The following CMTM7 variants were observed in gnomAD, a reference collection of about 807,000 sequenced individuals.
CMTM7 encodes CKLF-like MARVEL transmembrane domain-containing protein 7.
CMTM7 carries 7 observed loss-of-function variants against 19.3 expected under a neutral mutation model. The observed-to-expected ratio is 0.36, with a 90% CI of 0.21 to 0.68. CMTM7 has a LOEUF of 0.68. CMTM7 is among the 30% of genes least tolerant of loss of function. CMTM7 has a pLI of 0.60. For missense variants in CMTM7, 193 were observed against 232.6 expected, an observed-to-expected ratio of 0.83 and a Z score of 1.11; for synonymous variants, 87 against 99.3, an observed-to-expected ratio of 0.88 and a Z score of 0.74.
intron 2 of CMTM7, among the ~76,000 whole-genome samples, chr3:32,448,996 A>T (rs17029530): frequency 0.081 from 12,314 of 152,280 alleles, 563 homozygotes; most frequent in Middle Eastern, 0.13. Context: ...TTGTTAGCCC[A>T]GAACTTTCTC....
At chr3:32,399,210 C>G (rs1323206223) in intron 1 of CMTM7, among the ~76,000 whole-genome samples, 1 of 151,256 alleles carries the variant, frequency 6.6e-6, no homozygotes, top group Non-Finnish European at 1.5e-5. Flanking sequence ...TGACTCTTAA[C>G]TAGGGGCTGT....
At chr3:32,396,515 C>T (rs1695921177) in intron 1 of CMTM7, among the ~76,000 whole-genome samples, 1 of 151,898 alleles carries the variant, frequency 6.6e-6, no homozygotes, top group Admixed American at 6.6e-5. Flanking sequence ...ACAAAAACAA[C>T]AACAACAACA....
At chr3:32,427,456 A>G (rs1696450260) in intron 1 of CMTM7, among the ~76,000 whole-genome samples, 4 of 152,120 alleles carry the variant, frequency 2.6e-5, no homozygotes. Context: ...TGCCCTCGGT[A>G]TGGGGACCAG....
At chr3:32,437,368 G>T (rs112117772) in intron 1 of CMTM7, among the ~76,000 whole-genome samples, 261 of 152,084 alleles carry the variant, frequency 1.7e-3, no homozygotes, top group African/African-American at 5.8e-3. Context: ...AGGCTGAGAC[G>T]GGTGGATCAC....
At chr3:32,398,694 A>C (rs1294839309) in intron 1 of CMTM7, among the ~76,000 whole-genome samples, 1 of 151,812 alleles carries the variant, frequency 6.6e-6, no homozygotes, top group Non-Finnish European at 1.5e-5. Flanking sequence ...AAGCAGAAGA[A>C]AGAGCGTTGG....
intron 1 of CMTM7, among the ~76,000 whole-genome samples, chr3:32,414,118 G>T (rs981203008): frequency 6.6e-6 from 1 of 152,064 alleles, no homozygotes; most frequent in Non-Finnish European, 1.5e-5. Flanking sequence ...CCTCCACCTG[G>T]TCCTGTCTTG....
In CMTM7 at chr3:32,449,633, C is replaced by A; in HGVS notation, c.432+81C>A. On this transcript the variant is annotated intron_variant, in intron 3 of 4. Coordinates refer to ENST00000334983, the MANE Select transcript of CMTM7 (RefSeq NM_138410.4). The surrounding 1 kb of genome is among the most constrained non-coding windows in gnomAD (Gnocchi z 4.5). ...TCTTCCTGATGGGGGAAGAGAAGGG[C>A]TTGGTTTCTGGGGCATTCCCTTCAT... The A allele has an allele frequency of 1.8e-6, 2 of 1,127,866 alleles. No individual in the cohort carries two copies. The highest frequency in any genetic ancestry group is 2.7e-6 in the Non-Finnish European group (2 of 738,446). 69.9% of individuals were successfully genotyped at this position (1,127,866 alleles called of 1,614,324 possible). A position where few individuals can be genotyped will look rare whatever the true frequency, so the allele number is the denominator to read the frequency against.
intron 1 of CMTM7, among the ~76,000 whole-genome samples, chr3:32,410,746 A>G (rs1336837300): frequency 6.6e-6 from 1 of 152,228 alleles, no homozygotes; most frequent in Admixed American, 6.5e-5. Context: ...GCCTGTTGTG[A>G]TAGCACCTTT....
rs190946935 is a variant in CMTM7, at chr3:32,406,294, G to A, written c.159+14229G>A. 1.6e-4 allele frequency among the ~76,000 whole-genome samples: 25 copies of A among 152,196 alleles called. No individual in the cohort carries two copies. The East Asian group carries it at 2.1e-3, about 13-fold the overall frequency. ...TATTTCTCCCTTTTGTTATCTAGCC[G>A]TGCTGTAATGGTTACTCTTGTACAT... On this transcript the variant is annotated intron_variant, in intron 1 of 4. Coordinates refer to ENST00000334983, the MANE Select transcript of CMTM7 (RefSeq NM_138410.4).
intron 4 of CMTM7, among the ~76,000 whole-genome samples, chr3:32,453,202 T>C (rs1370550548): frequency 1.3e-5 from 2 of 151,890 alleles, no homozygotes; most frequent in East Asian, 3.9e-4. Context: ...GCTACTCAGG[T>C]GGCTGAGGCA....
chr3:32,399,142 A>G (rs1057412194), intron 1 of CMTM7, among the ~76,000 whole-genome samples: 2 of 152,088 alleles, frequency 1.3e-5, no homozygotes, highest in African/African-American at 4.8e-5. Context: ...TGGTGAATAT[A>G]TAGTCCTTAG....
intron 1 of CMTM7, among the ~76,000 whole-genome samples, chr3:32,418,636 C>T (rs1696301181): frequency 6.6e-6 from 1 of 152,186 alleles, no homozygotes; most frequent in African/African-American, 2.4e-5. Context: ...GTTTTTCTAG[C>T]ACTACTTGTT....
At chr3:32,431,335 G>A (rs1181519242) in intron 1 of CMTM7, among the ~76,000 whole-genome samples, 1 of 152,102 alleles carries the variant, frequency 6.6e-6, no homozygotes, top group African/African-American at 2.4e-5. Context: ...GGTAATTTTT[G>A]TTTTCTTAAA....
intron 4 of CMTM7, 86 bp from the exon 5 acceptor site, chr3:32,454,155 A>G: frequency 7.0e-7 from 1 of 1,425,700 alleles, no homozygotes; most frequent in East Asian, 2.3e-5. Context: ...CCCCCTGAGC[A>G]GAACTTGGAG....
intron 1 of CMTM7, among the ~76,000 whole-genome samples, chr3:32,409,634 ACGT>A (rs1320656223): frequency 1.4e-4 from 22 of 152,162 alleles, no homozygotes; most frequent in African/African-American, 5.3e-4. Flanking sequence ...GTTCTTCATG[ACGT>A]CAACATTTGT....
At chr3:32,418,428 T>G (rs574636335) in intron 1 of CMTM7, among the ~76,000 whole-genome samples, 24 of 152,096 alleles carry the variant, frequency 1.6e-4, no homozygotes, top group African/African-American at 5.6e-4. Flanking sequence ...AATTTATCAG[T>G]TTTTTTTCCT....
chr3:32,431,906 C>T (rs1696525806), intron 1 of CMTM7, among the ~76,000 whole-genome samples: 1 of 152,198 alleles, frequency 6.6e-6, no homozygotes, highest in South Asian at 2.1e-4. Context: ...CCGAGGTGAG[C>T]AAATAACTTG....
chr3:32,422,977 A>G (rs988174248), intron 1 of CMTM7, among the ~76,000 whole-genome samples: 3 of 152,262 alleles, frequency 2.0e-5, no homozygotes, highest in Non-Finnish European at 4.4e-5. Flanking sequence ...AAGTTGAACT[A>G]TCATAAGTCC....
chr3:32,452,181 C>G lies in CMTM7; in HGVS notation c.433-211C>G. On this transcript the variant is annotated intron_variant, in intron 3 of 4. Transcript: ENST00000334983. Reference sequence around the variant, plus strand: ...GCCTGGCTGCCAGCCCTGACCTGGCCCAACCTGGAGGACTGGGGCCAGTGG... The same window carrying G: ...GCCTGGCTGCCAGCCCTGACCTGGCGCAACCTGGAGGACTGGGGCCAGTGG... 2.0e-6 allele frequency: 3 copies of G among 1,509,468 alleles called. No individual in the cohort carries two copies. The South Asian group carries it at 3.6e-5, about 18-fold the overall frequency. The allele number at this position is 1,509,468 out of a possible 1,614,324, so 93.5% of individuals were successfully genotyped here.
Sources: allele counts gnomAD v4.1 joint callset (sites outside exome capture counted in the v4.1 genomes callset), GRCh38; gene constraint gnomAD v4.1.1; non-coding constraint Gnocchi (gnomAD v3.1); transcripts MANE v1.5; gene names NCBI Gene and HGNC (gene_info 2026-07-23, HGNC 2026-07-21).